The following F11R variants were observed in gnomAD, a reference collection of about 807,000 sequenced individuals.
F11R encodes F11 receptor.
Under a neutral mutation model 39.3 loss-of-function variants are expected in F11R, and 27 were observed. The ratio of observed to expected loss-of-function variants is 0.69; its 90% CI spans 0.51 to 0.95. F11R has a LOEUF of 0.95. F11R is among the 40% of genes least tolerant of loss of function. The pLI is 0.00. For missense variants in F11R, 335 were observed against 372.7 expected, an observed-to-expected ratio of 0.90 and a Z score of 0.83; for synonymous variants, 131 against 144.9, an observed-to-expected ratio of 0.90 and a Z score of 0.69.
Position 160,999,417 on chromosome 1 carries a change from G to T in F11R, c.803-9C>A. The T allele has an allele frequency of 6.2e-7, 1 of 1,614,228 alleles. No homozygotes were observed. ...TCACCCTTTCTTTGTTCCTGAAAGA[G>T]AAGAAATGGGATCATGAGTGTCAGC... On this transcript the variant is annotated splice_polypyrimidine_tract_variant and intron_variant, in intron 7 of 9. Coordinates refer to ENST00000368026, the MANE Select transcript of F11R (RefSeq NM_016946.6).
chr1:160,996,181 G>A lies in F11R; in HGVS notation c.*2690C>T, dbSNP rs1014477628. 1 of 152,224 alleles carries A rather than the reference G, an allele frequency of 6.6e-6. No homozygotes were observed. Among genetic ancestry groups the A allele is most frequent in the Non-Finnish European group, 1.5e-5 (1 of 68,014 alleles). The allele number at this position is 152,224 out of a possible 1,614,324, so 9.4% of individuals were successfully genotyped here. ...AATTCTCTTAAGGTAAGAACTTCAG[G>A]ATTTAAACAAACTCAATGTGAAAAT... On this transcript the variant is annotated 3_prime_UTR_variant, in exon 10 of 10. Coordinates refer to ENST00000368026, the MANE Select transcript of F11R (RefSeq NM_016946.6).
intron 3 of F11R, 100 bp downstream of exon 3, chr1:161,000,920 G>A: frequency 6.8e-7 from 1 of 1,461,764 alleles, no homozygotes; most frequent in South Asian, 1.2e-5. Context: ...TCAGCCCCAG[G>A]GTGTGCCCTG....
intron 1 of F11R, among the ~76,000 whole-genome samples, chr1:161,005,276 C>T (rs971369750): frequency 6.6e-6 from 1 of 151,206 alleles, no homozygotes; most frequent in Non-Finnish European, 1.5e-5. Context: ...TCCTCCCTTC[C>T]TCCCTCCTTC....
At position 160,997,969 on chromosome 1, in the gene F11R, C is replaced by CTT. The variant is rs34346987; in HGVS notation, c.*900_*901dup. 4,220 of 149,088 alleles carry CTT rather than the reference C, an allele frequency of 0.028. 188 individuals are homozygous for CTT. Among genetic ancestry groups the CTT allele is most frequent in the African/African-American group, 0.095 (3,845 of 40,622 alleles). The allele number at this position is 149,088 out of a possible 1,614,324, so 9.2% of individuals were successfully genotyped here. On this transcript the variant is annotated 3_prime_UTR_variant, in exon 10 of 10. Transcript: ENST00000368026. ...CACCAGCTCCAGCTTTCTTTTCTTT[C>CTT]TTTTTTTTTTTGAGCTGGAGTTTTG...
At position 161,007,928 on chromosome 1, in the gene F11R, TCA is replaced by T. The variant is rs758367766; in HGVS notation, c.65-6577_65-6576del. Reference sequence around the variant, plus strand: ...CTGAATCCAATCTACATCAGGACACTCACAGTTTCCCTGTCCATCCTCCTCAT... The same window carrying T: ...CTGAATCCAATCTACATCAGGACACTCAGTTTCCCTGTCCATCCTCCTCAT... On this transcript the variant is annotated intron_variant, in intron 1 of 9. Transcript: ENST00000368026. Among the ~76,000 whole-genome samples, 9 of 152,280 alleles carry T rather than the reference TCA, an allele frequency of 5.9e-5. No individual in the cohort carries two copies. The East Asian group carries it at 7.7e-4, about 13-fold the overall frequency.
chr1:160,998,456 T>G lies in F11R; in HGVS notation c.*415A>C. Reference sequence around the variant, plus strand: ...CCCGCTCTAGAACAGCTGGCCCTGGTCGTCAGTACACAAGGAAAGAGCCCA... The same window carrying G: ...CCCGCTCTAGAACAGCTGGCCCTGGGCGTCAGTACACAAGGAAAGAGCCCA... On this transcript the variant is annotated 3_prime_UTR_variant, in exon 10 of 10. Coordinates refer to ENST00000368026, the MANE Select transcript of F11R (RefSeq NM_016946.6). 1 of 260,198 alleles carries G rather than the reference T, an allele frequency of 3.8e-6. No homozygotes were observed. The highest frequency in any genetic ancestry group is 7.4e-6 in the Non-Finnish European group (1 of 135,606). 16.1% of individuals were successfully genotyped at this position (260,198 alleles called of 1,614,324 possible).
At position 160,998,836 on chromosome 1, in the gene F11R, G is replaced by A; in HGVS notation, c.*35C>T. ...CAGAGTCCGGTAGCACCTGAGTAAG[G>A]CAAATGCAGATGATAGGCGGTGAGC... On this transcript the variant is annotated 3_prime_UTR_variant, in exon 10 of 10. Transcript: ENST00000368026. 1 of 1,611,944 alleles carries A rather than the reference G, an allele frequency of 6.2e-7. No homozygotes were observed. The highest frequency in any genetic ancestry group is 1.1e-5 in the South Asian group (1 of 91,056).
intron 1 of F11R, among the ~76,000 whole-genome samples, chr1:161,003,858 A>G (rs563274462): frequency 6.6e-6 from 1 of 151,932 alleles, no homozygotes; most frequent in East Asian, 1.9e-4. Flanking sequence ...TCCGCCTCCC[A>G]GGTTCAGGAG....
intron 7 of F11R, 111 bp from the exon 8 acceptor site, chr1:160,999,519 T>C: frequency 2.0e-6 from 3 of 1,535,516 alleles, no homozygotes; most frequent in Non-Finnish European, 2.7e-6. Context: ...TGATCAGTGT[T>C]CCCCAGGGGA....
rs1648276332 is a variant in F11R at position 160,998,770 on chromosome 1, A to C, written c.*101T>G. ...AGTAGGGGGCCCTGTGGGGTGTAGA[A>C]GACAAATAAGGCATCCTGTGAAACT... On this transcript the variant is annotated 3_prime_UTR_variant, in exon 10 of 10. Coordinates refer to ENST00000368026, the MANE Select transcript of F11R (RefSeq NM_016946.6). 1.7e-6 allele frequency: 2 copies of C among 1,194,414 alleles called. No individual in the cohort carries two copies. Among genetic ancestry groups the C allele is most frequent in the Admixed American group, 1.8e-5 (1 of 55,484 alleles). The allele number at this position is 1,194,414 out of a possible 1,614,324, so 74.0% of individuals were successfully genotyped here.
At chr1:160,999,567 A>T in intron 7 of F11R, 73 bp downstream of exon 7, 1 of 1,497,062 alleles carries the variant, frequency 6.7e-7, no homozygotes, top group Non-Finnish European at 9.3e-7. Flanking sequence ...CAGGGTCAGT[A>T]CTCAGATGAC....
rs1490021591 is a variant in F11R, at chr1:161,000,338, G to A, written c.399C>T (p.Ser133=). 7 of 1,613,798 alleles carry A rather than the reference G, an allele frequency of 4.3e-6. No individual in the cohort carries two copies. Among genetic ancestry groups the A allele is most frequent in the Non-Finnish European group, 5.1e-6 (6 of 1,180,020 alleles). Residue 133 remains serine, a synonymous_variant, in exon 5 of 10, where the codon TCC becomes TCT. Coordinates refer to ENST00000368026, the MANE Select transcript of F11R (RefSeq NM_016946.6). ...AGGAGGGGATGTTAACTGTAGGCTT[G>A]GATGGAGGCACTGTGGAAGAGAAAG... is the stretch of plus-strand genomic sequence containing the variant. ...KVKLIVLVPP[S]KPTVNIPSSA...
intron 1 of F11R, among the ~76,000 whole-genome samples, chr1:161,014,469 C>T (rs1328617161): frequency 6.6e-6 from 1 of 152,064 alleles, no homozygotes; most frequent in Non-Finnish European, 1.5e-5. Context: ...TTTGAAAGGC[C>T]AAGGCAAAAG....
At chr1:161,001,225 G>C (rs2297220) in intron 2 of F11R, 60 bp downstream of exon 2, 419,837 of 1,599,234 alleles carry the variant, frequency 0.26, 58,204 homozygotes, top group Non-Finnish European at 0.28. Context: ...GTGCTCTCTA[G>C]ATCCCCAGGC....
At chr1:161,018,495 A>G (rs534306965) in intron 1 of F11R, among the ~76,000 whole-genome samples, 205 of 152,312 alleles carry the variant, frequency 1.3e-3, no homozygotes, top group African/African-American at 4.7e-3. Flanking sequence ...GCATTCTTCC[A>G]TCCTCACAAA....
At position 160,998,124 on chromosome 1, in the gene F11R, C is replaced by T. The variant is rs1271153533; in HGVS notation, c.*747G>A. ...CTTGAACTCCTGACCTCAGGTGATCCGCCTGCCTCAGCCTCTGGGATTATA... is the reference window on the plus strand; with the variant it reads ...CTTGAACTCCTGACCTCAGGTGATCTGCCTGCCTCAGCCTCTGGGATTATA... On this transcript the variant is annotated 3_prime_UTR_variant, in exon 10 of 10. Coordinates refer to ENST00000368026, the MANE Select transcript of F11R (RefSeq NM_016946.6). 1 of 152,516 alleles carries T rather than the reference C, an allele frequency of 6.6e-6. No homozygotes were observed. Among genetic ancestry groups the T allele is most frequent in the Non-Finnish European group, 1.5e-5 (1 of 68,158 alleles). 9.4% of individuals were successfully genotyped at this position (152,516 alleles called of 1,614,324 possible). A position where few individuals can be genotyped will look rare whatever the true frequency, so the allele number is the denominator to read the frequency against.
rs768662925 is a variant in F11R, at chr1:161,000,765, T to G, written c.254A>C (p.Asp85Ala). ...ACCAGTTGGCAAGAAGGTCACCCGG[T>G]CCTCATAGGAAGCTACCACAAGAGG... Reference protein sequence around the residue: ...YNNKITASYEDRVTFLPTGIT... With the variant: ...YNNKITASYEARVTFLPTGIT... The change falls in exon 4 of 10, where the codon GAC becomes GCC. Residue 85 changes from aspartate to alanine, a missense_variant. Asp to Ala is a moderately radical substitution (Grantham distance 126). Transcript: ENST00000368026. 1 of 1,613,876 alleles carries G rather than the reference T, an allele frequency of 6.2e-7. No homozygotes were observed. The highest frequency in any genetic ancestry group is 1.7e-5 in the Admixed American group (1 of 59,976).
chr1:161,001,918 T>C (rs557825732), intron 1 of F11R, among the ~76,000 whole-genome samples: 4 of 152,268 alleles, frequency 2.6e-5, no homozygotes, highest in Admixed American at 1.3e-4. Context: ...ACGTATATTA[T>C]TATCCCGAGT....
Position 161,001,205 on chromosome 1 carries a change from G to C in F11R, c.134-78C>G, listed in dbSNP as rs778734844. 394 of 1,593,066 alleles carry C rather than the reference G, an allele frequency of 2.5e-4. 1 individual carries two copies. The highest frequency in any genetic ancestry group is 2.2e-4 in the Non-Finnish European group (254 of 1,162,144). The stretch of plus-strand genomic sequence containing the variant: ...GATGGGGAACAGCCCCAAACTGCAG[G>C]CTGGGCTGGGTGCTCTCTAGATCCC... On this transcript the variant is annotated intron_variant, in intron 2 of 9. Coordinates refer to ENST00000368026, the MANE Select transcript of F11R (RefSeq NM_016946.6).
Sources: allele counts gnomAD v4.1 joint callset (sites outside exome capture counted in the v4.1 genomes callset), GRCh38; gene constraint gnomAD v4.1.1; transcripts MANE v1.5; gene names NCBI Gene and HGNC (gene_info 2026-07-23, HGNC 2026-07-21).